Variants in PQBP1 observed in about 807,000 individuals in gnomAD.
PQBP1 encodes the protein polyglutamine-binding protein 1.
Under a neutral mutation model 20.9 loss-of-function variants are expected in PQBP1, and 3 were observed. The ratio of observed to expected loss-of-function variants is 0.14; its 90% CI spans 0.07 to 0.37. The LOEUF (loss-of-function observed/expected upper bound fraction) is 0.37. PQBP1 is among the 10% of genes least tolerant of loss of function. The probability of loss-of-function intolerance (pLI) is 1.00; values close to 1 mark genes in which losing one functional copy is unlikely to be tolerated. For missense variants in PQBP1, 162 were observed against 240.3 expected, an observed-to-expected ratio of 0.67 and a Z score of 2.16; for synonymous variants, 83 against 93.8, an observed-to-expected ratio of 0.88 and a Z score of 0.67.
At chrX:48,898,778 T>C (rs1467201068) in intron 2 of PQBP1, among the ~76,000 whole-genome samples, 1 of 76,761 alleles carries the variant, frequency 1.3e-5, no homozygotes, top group Non-Finnish European at 2.5e-5. Flanking sequence ...GGAATAGATA[T>C]TTCATTCTTT....
Position 48,902,397 on chromosome X carries a change from A to C in PQBP1, c.457A>C (p.Arg153=). The C allele has an allele frequency of 8.3e-7, 1 of 1,209,222 alleles. No individual in the cohort carries two copies. The highest frequency in any genetic ancestry group is 1.1e-6 in the Non-Finnish European group (1 of 894,326). The change falls in exon 5 of 7, where the codon AGA becomes CGA. Residue 153 remains arginine, a synonymous_variant. Transcript: ENST00000447146. ...ERGYDKVDRE[R]ERDRERDRDR... ...TGGCTATGACAAGGTAGACAGAGAGAGAGAGCGAGACAGGGAACGGGATCG... is the reference window on the plus strand; with the variant it reads ...TGGCTATGACAAGGTAGACAGAGAGCGAGAGCGAGACAGGGAACGGGATCG...
chrX:48,899,530 G>A (rs2147459848), intron 2 of PQBP1, among the ~76,000 whole-genome samples: 1 of 111,498 alleles, frequency 9.0e-6, no homozygotes, highest in East Asian at 2.8e-4. Flanking sequence ...TGTCAAGGGT[G>A]CAGTGAGCCG....
chrX:48,900,107 C>T (rs781915665), intron 2 of PQBP1, among the ~76,000 whole-genome samples: 7 of 107,306 alleles, frequency 6.5e-5, no homozygotes, highest in Non-Finnish European at 1.3e-4. Context: ...AAAACTTAGC[C>T]GGGCGTGGTG....
rs1173507717 is a variant in PQBP1, at chrX:48,898,075, G to A, written c.-26G>A. Reference sequence around the variant, plus strand: ...TGACAGCCTTCCACTACCTGCACGAGTGTATTGGTAACGTTGGGGTGGGTG... The same window carrying A: ...TGACAGCCTTCCACTACCTGCACGAATGTATTGGTAACGTTGGGGTGGGTG... On this transcript the variant is annotated 5_prime_UTR_variant, in exon 1 of 7. It adds an upstream start codon to the 5' untranslated region. Coordinates refer to ENST00000447146, the MANE Select transcript of PQBP1 (RefSeq NM_001032382.2). 9.7e-7 allele frequency: 1 copy of A among 1,032,476 alleles called. No homozygotes were observed. Among genetic ancestry groups the A allele is most frequent in the Non-Finnish European group, 1.2e-6 (1 of 808,271 alleles). 85.1% of individuals were successfully genotyped at this position (1,032,476 alleles called of 1,213,427 possible).
chrX:48,899,921 G>A (rs2063377816), intron 2 of PQBP1, among the ~76,000 whole-genome samples: 1 of 111,969 alleles, frequency 8.9e-6, no homozygotes. Flanking sequence ...CAAGCCTACT[G>A]TGTGCAAGGT....
chrX:48,901,501 G>A (rs782202244), intron 3 of PQBP1, 200 bp downstream of exon 3: 5 of 901,090 alleles, frequency 5.5e-6, no homozygotes, highest in African/African-American at 2.0e-5. Flanking sequence ...TTTTTGAAAC[G>A]GAGTTTCACT....
chrX:48,901,685 G>A (rs1294247105), intron 3 of PQBP1: 7 of 493,825 alleles, frequency 1.4e-5, no homozygotes, highest in Non-Finnish European at 2.3e-5. Context: ...CATCATATTG[G>A]TCAGGCTGGT....
At chrX:48,899,551 A>C (rs1602321042) in intron 2 of PQBP1, among the ~76,000 whole-genome samples, 1 of 111,333 alleles carries the variant, frequency 9.0e-6, no homozygotes, top group East Asian at 2.8e-4. Context: ...AGATTGTGCC[A>C]CTGCACTCCA....
rs1489419832 is a variant in PQBP1 at position 48,898,431 on chromosome X, T to C, written c.-18-61T>C. 2.5e-5 allele frequency: 27 copies of C among 1,059,728 alleles called. No homozygotes were observed. In the African/African-American group the frequency reaches 4.8e-4, roughly 19 times the overall value. The allele number at this position is 1,059,728 out of a possible 1,213,427, so 87.3% of individuals were successfully genotyped here. A position where few individuals can be genotyped will look rare whatever the true frequency, so the allele number is the denominator to read the frequency against. On this transcript the variant is annotated intron_variant, in intron 1 of 6. Coordinates refer to ENST00000447146, the MANE Select transcript of PQBP1 (RefSeq NM_001032382.2). Reference sequence around the variant, plus strand: ...TACATGTTTACGGGAGGCGCTTGGTTACGGGATCCAGATAGGAATCTTTAT... The same window carrying C: ...TACATGTTTACGGGAGGCGCTTGGTCACGGGATCCAGATAGGAATCTTTAT...
intron 4 of PQBP1, 60 bp downstream of exon 4, chrX:48,902,102 A>G (rs1557041307): frequency 1.1e-5 from 13 of 1,210,514 alleles, no homozygotes; most frequent in Non-Finnish European, 1.5e-5. Flanking sequence ...GGAGAGGCCA[A>G]GTAGAATGAT....
At chrX:48,901,582 G>A (rs1557041150) in intron 3 of PQBP1, 6 of 532,039 alleles carry the variant, frequency 1.1e-5, no homozygotes, top group Non-Finnish European at 1.5e-5. Flanking sequence ...GGGTTCAAGC[G>A]ATTCTCCTGT....
rs781984130 is a variant in PQBP1 at position 48,899,443 on chromosome X, T to G, written c.67+867T>G. Reference sequence around the variant, plus strand: ...CCGTCTTTACAAAAAATACAAAAATTAATCGTGTGTTGTGGTGCATGCCTG... The same window carrying G: ...CCGTCTTTACAAAAAATACAAAAATGAATCGTGTGTTGTGGTGCATGCCTG... On this transcript the variant is annotated intron_variant, in intron 2 of 6. Coordinates refer to ENST00000447146, the MANE Select transcript of PQBP1 (RefSeq NM_001032382.2). 3.3e-3 allele frequency among the ~76,000 whole-genome samples: 362 copies of G among 111,038 alleles called. 2 individuals carry two copies. The highest frequency in any genetic ancestry group is 5.0e-3 in the Non-Finnish European group (266 of 52,885).
chrX:48,901,374 G>A, intron 3 of PQBP1, 73 bp downstream of exon 3: 2 of 1,165,740 alleles, frequency 1.7e-6, no homozygotes, highest in Non-Finnish European at 2.3e-6. Flanking sequence ...GAGGTTTAGG[G>A]GGACACAAGG....
intron 1 of PQBP1, 144 bp downstream of exon 1, chrX:48,898,226 C>G: frequency 1.1e-6 from 1 of 950,105 alleles, no homozygotes; most frequent in Non-Finnish European, 1.4e-6. Flanking sequence ...GGCCGGGCTT[C>G]TTAGGCTGTG....
rs2063430370 is a variant in PQBP1 at position 48,902,295 on chromosome X, C to T, written c.355C>T (p.Arg119Cys). 2.5e-6 allele frequency: 3 copies of T among 1,208,979 alleles called. No individual in the cohort carries two copies. The highest frequency in any genetic ancestry group is 1.8e-5 in the African/African-American group (1 of 56,813). The change falls in exon 5 of 7, where the codon CGC becomes TGC. Residue 119 changes from arginine to cysteine, a missense_variant. Arg to Cys is a radical substitution (Grantham distance 180, BLOSUM62 -3). Coordinates refer to ENST00000447146, the MANE Select transcript of PQBP1 (RefSeq NM_001032382.2). ...KSDRGHDKSD[R>C]SHEKLDRGHD... is the part of the protein sequence containing the mutation. Reference sequence around the variant, plus strand: ...GGACAGGGGCCATGACAAGTCGGACCGCAGCCATGAGAAACTAGACAGGGG... The same window carrying T: ...GGACAGGGGCCATGACAAGTCGGACTGCAGCCATGAGAAACTAGACAGGGG...
chrX:48,900,639 C>G (rs1309185865), intron 2 of PQBP1, among the ~76,000 whole-genome samples: 2 of 110,840 alleles, frequency 1.8e-5, no homozygotes, highest in African/African-American at 6.6e-5. Context: ...TCACTGCAAG[C>G]TCAAAGTCCT....
chrX:48,902,239 A>G lies in PQBP1; in HGVS notation c.299A>G (p.Glu100Gly). Residue 100 changes from glutamate to glycine, a missense_variant, in exon 5 of 7, where the codon GAA (glutamate) becomes GGA (glycine). By Grantham distance (98) the Glu-to-Gly change is moderately conservative. Coordinates refer to ENST00000447146, the MANE Select transcript of PQBP1 (RefSeq NM_001032382.2). Reference sequence around the variant, plus strand: ...TCAAGACTTGTGTCCCCAGATGCTGAAGAAAAGTTGGACCGGAGCCATGAC... The same window carrying G: ...TCAAGACTTGTGTCCCCAGATGCTGGAGAAAAGTTGGACCGGAGCCATGAC... Reference protein sequence around the residue: ...KKLRSSNADAEEKLDRSHDKS... With the variant: ...KKLRSSNADAGEKLDRSHDKS... 1 of 1,211,300 alleles carries G rather than the reference A, an allele frequency of 8.3e-7. No homozygotes were observed. The highest frequency in any genetic ancestry group is 1.1e-6 in the Non-Finnish European group (1 of 895,438).
Position 48,900,144 on chromosome X carries a change from G to C in PQBP1, c.68-1046G>C, listed in dbSNP as rs1234894777. Among the ~76,000 whole-genome samples, 9 of 108,112 alleles carry C rather than the reference G, an allele frequency of 8.3e-5. No homozygotes were observed. In the Admixed American group the frequency reaches 8.9e-4, roughly 11 times the overall value. The allele number at this position is 108,112 out of a possible 115,157, so 93.9% of individuals were successfully genotyped here. A position where few individuals can be genotyped will look rare whatever the true frequency, so the allele number is the denominator to read the frequency against. Reference sequence around the variant, plus strand: ...CAGATGCCTGTAGTCCCAGCTACTCGGGAGGCTGAGGCAGGAGAATGGTGT... The same window carrying C: ...CAGATGCCTGTAGTCCCAGCTACTCCGGAGGCTGAGGCAGGAGAATGGTGT... On this transcript the variant is annotated intron_variant, in intron 2 of 6. Transcript: ENST00000447146.
Position 48,897,930 on chromosome X carries a change from C to T in PQBP1, c.-171C>T. ...TGTTCATTGCCTCCTGAGCGTAGTC[C>T]AGTTACTTTCAGGCTCGGGGAGTGA... On this transcript the variant is annotated 5_prime_UTR_variant, in exon 1 of 7. Coordinates refer to ENST00000447146, the MANE Select transcript of PQBP1 (RefSeq NM_001032382.2). The T allele has an allele frequency of 1.2e-6, 1 of 864,804 alleles. No homozygotes were observed. The highest frequency in any genetic ancestry group is 1.6e-6 in the Non-Finnish European group (1 of 635,092). The allele number at this position is 864,804 out of a possible 1,213,427, so 71.3% of individuals were successfully genotyped here.
Sources: gnomAD v4.1 joint callset for allele counts (sites outside exome capture counted in the v4.1 genomes callset) on GRCh38, gnomAD v4.1.1 for gene constraint, MANE v1.5 for transcripts, NCBI Gene and HGNC (gene_info 2026-07-23, HGNC 2026-07-21) for gene names.